Variants in TRAPPC8 observed in about 807,000 individuals in gnomAD.
The protein encoded by TRAPPC8 is general sporulation gene 1 homolog.
Under a neutral mutation model 174.3 loss-of-function variants are expected in TRAPPC8, and 54 were observed. The observed-to-expected ratio is 0.31, with a 90% CI of 0.25 to 0.39. The LOEUF (loss-of-function observed/expected upper bound fraction) is 0.39, where lower values mean the gene tolerates loss of function less well. Among genes scored for constraint, TRAPPC8 ranks in the 10% least tolerant of loss-of-function variants. The probability of loss-of-function intolerance (pLI) is 1.00; values close to 1 mark genes in which losing one functional copy is unlikely to be tolerated. For missense variants in TRAPPC8, 1,531 were observed against 1,699.1 expected (o/e 0.90, Z 1.74); for synonymous variants, 630 against 579.9 (o/e 1.09, Z -1.24).
Position 31,905,457 on chromosome 18 carries a change from C to A in TRAPPC8, c.1389+2003G>T, listed in dbSNP as rs142844171. 4.3e-3 allele frequency among the ~76,000 whole-genome samples: 659 copies of A among 152,274 alleles called. 7 individuals carry two copies. The highest frequency in any genetic ancestry group is 0.031 in the South Asian group (151 of 4,826). Reference sequence around the variant, plus strand: ...TGCACAGCTCTGGGCTCAGGGCAGGCTGTACTTTCTTCTATGATCAGCTTC... The same window carrying A: ...TGCACAGCTCTGGGCTCAGGGCAGGATGTACTTTCTTCTATGATCAGCTTC... On this transcript the variant is annotated intron_variant, in intron 9 of 28. Transcript: ENST00000283351.
chr18:31,861,914 TC>T (rs1394524132), intron 19 of TRAPPC8, among the ~76,000 whole-genome samples: 1 of 98,080 alleles, frequency 1.0e-5, no homozygotes, highest in African/African-American at 4.4e-5. Context: ...GACAGAGCGA[TC>T]CCGTCTCCAG....
At chr18:31,898,185 T>C (rs1223238394) in intron 10 of TRAPPC8, among the ~76,000 whole-genome samples, 1 of 152,178 alleles carries the variant, frequency 6.6e-6, no homozygotes, top group Non-Finnish European at 1.5e-5. Context: ...ACTTTATTTT[T>C]TATTTGTATT....
At chr18:31,844,721 A>G (rs905230388) in intron 26 of TRAPPC8, 1 of 151,522 alleles carries the variant, frequency 6.6e-6, no homozygotes, top group Non-Finnish European at 1.5e-5. Context: ...GTCTCAAAAA[A>G]AAAAAAAAAG....
intron 19 of TRAPPC8, among the ~76,000 whole-genome samples, chr18:31,861,101 T>C (rs983407486): frequency 2.6e-5 from 4 of 152,192 alleles, no homozygotes; most frequent in Non-Finnish European, 5.9e-5. Context: ...CCAGCACTCA[T>C]AGAAAAGGTC....
At chr18:31,893,948 T>G (rs1360139268) in intron 11 of TRAPPC8, among the ~76,000 whole-genome samples, 1 of 152,186 alleles carries the variant, frequency 6.6e-6, no homozygotes, top group Non-Finnish European at 1.5e-5. Context: ...TCTCATAAGC[T>G]AAGAATATCC....
At chr18:31,913,300 T>C (rs1378819970) in intron 5 of TRAPPC8, 69 bp downstream of exon 5, 6 of 1,463,304 alleles carry the variant, frequency 4.1e-6, no homozygotes, top group African/African-American at 1.4e-5. Context: ...ATAATTATAC[T>C]AGTTAAACCA....
At chr18:31,926,872 G>A (rs1391223796) in intron 2 of TRAPPC8, among the ~76,000 whole-genome samples, 1 of 152,166 alleles carries the variant, frequency 6.6e-6, no homozygotes, top group African/African-American at 2.4e-5. Flanking sequence ...GGAGTGGAAA[G>A]GATAGACAGT....
At chr18:31,859,036 T>G (rs1442549880) in intron 19 of TRAPPC8, among the ~76,000 whole-genome samples, 1 of 152,112 alleles carries the variant, frequency 6.6e-6, no homozygotes, top group Admixed American at 6.6e-5. Flanking sequence ...GAGGTTGCAG[T>G]GAGCCAAGAT....
rs374087382 is a variant in TRAPPC8 at position 31,873,858 on chromosome 18, A to G, written c.1954-320T>C. 6 of 216,666 alleles carry G rather than the reference A, an allele frequency of 2.8e-5. No homozygotes were observed. The East Asian group carries it at 3.7e-4, about 13-fold the overall frequency. 13.4% of individuals were successfully genotyped at this position (216,666 alleles called of 1,614,324 possible). On this transcript the variant is annotated intron_variant, in intron 13 of 28. Coordinates refer to ENST00000283351, the MANE Select transcript of TRAPPC8 (RefSeq NM_014939.5). ...CCTATCTGCCAAAATTCTAACCCATATAATTTCAAATTAATAAAGTCTAGA... is the reference window on the plus strand; with the variant it reads ...CCTATCTGCCAAAATTCTAACCCATGTAATTTCAAATTAATAAAGTCTAGA...
intron 27 of TRAPPC8, chr18:31,833,505 G>GT (rs1162970249): frequency 4.6e-5 from 7 of 152,164 alleles, no homozygotes; most frequent in Admixed American, 4.6e-4. Context: ...TTACTTCACT[G>GT]TATCTCATTT....
chr18:31,856,024 A>C (rs1568049872), intron 20 of TRAPPC8, among the ~76,000 whole-genome samples: 1 of 152,284 alleles, frequency 6.6e-6, no homozygotes, highest in East Asian at 1.9e-4. Context: ...TCCCTGTCTA[A>C]GTTTTTGCCC....
rs1335190944 is a variant in TRAPPC8, at chr18:31,855,815, T to C, written c.3189-8A>G. 6.7e-7 allele frequency: 1 copy of C among 1,494,988 alleles called. No individual in the cohort carries two copies. The highest frequency in any genetic ancestry group is 8.9e-7 in the Non-Finnish European group (1 of 1,123,556). The allele number at this position is 1,494,988 out of a possible 1,614,324, so 92.6% of individuals were successfully genotyped here. ...TGTCTTAATATTCTGTGCCTGAAGT[T>C]AAAAAAAAAAAAAAAAGCACATTTA... On this transcript the variant is annotated splice_region_variant and splice_polypyrimidine_tract_variant and intron_variant, in intron 20 of 28. Transcript: ENST00000283351.
Position 31,833,917 on chromosome 18 carries a change from G to C in TRAPPC8, c.3984-1744C>G, listed in dbSNP as rs571073698. 7.5e-5 allele frequency among the ~76,000 whole-genome samples: 11 copies of C among 147,206 alleles called. No homozygotes were observed. In the South Asian group the frequency reaches 2.2e-3, roughly 29 times the overall value. On this transcript the variant is annotated intron_variant, in intron 27 of 28. Coordinates refer to ENST00000283351, the MANE Select transcript of TRAPPC8 (RefSeq NM_014939.5). ...CTCGGGAGGCTGAGGCAGAAGAATGGCATGAACCCAGGAGGTGGAGCTTGC... is the reference window on the plus strand; with the variant it reads ...CTCGGGAGGCTGAGGCAGAAGAATGCCATGAACCCAGGAGGTGGAGCTTGC...
At chr18:31,934,923 C>A (rs1294420480) in intron 1 of TRAPPC8, among the ~76,000 whole-genome samples, 2 of 149,632 alleles carry the variant, frequency 1.3e-5, no homozygotes, top group African/African-American at 4.9e-5. Flanking sequence ...CTCCAGCCTG[C>A]TGGGCAACAG....
chr18:31,898,178 T>G (rs1327735579), intron 10 of TRAPPC8, among the ~76,000 whole-genome samples: 1 of 152,174 alleles, frequency 6.6e-6, no homozygotes, highest in Non-Finnish European at 1.5e-5. Flanking sequence ...TTGTTATACT[T>G]TATTTTTTAT....
At chr18:31,901,509 G>A (rs975948421) in intron 9 of TRAPPC8, among the ~76,000 whole-genome samples, 1 of 152,100 alleles carries the variant, frequency 6.6e-6, no homozygotes, top group African/African-American at 2.4e-5. Flanking sequence ...CCACTGTTTT[G>A]GGATGTGTTT....
intron 12 of TRAPPC8, among the ~76,000 whole-genome samples, chr18:31,882,361 T>C (rs192702168): frequency 4.0e-5 from 6 of 151,780 alleles, no homozygotes; most frequent in African/African-American, 1.2e-4. Context: ...AAATGGAGAA[T>C]CAAATAGGCA....
chr18:31,942,705 G>A lies in TRAPPC8; in HGVS notation c.60C>T (p.Val20=), dbSNP rs532682546. ...CGGCTTCGTCGCTGCACAGCGCAGC[G>A]ACACAGGGGACGAAGGAGTCCGGGA... ...ELIPDSFVPC[V]AALCSDEAER... is the part of the protein sequence containing the mutation. The change falls in exon 1 of 29, where the codon GTC becomes GTT. Residue 20 remains valine, a synonymous_variant. Coordinates refer to ENST00000283351, the MANE Select transcript of TRAPPC8 (RefSeq NM_014939.5). The A allele has an allele frequency of 2.5e-6, 4 of 1,607,138 alleles. No homozygotes were observed. The highest frequency in any genetic ancestry group is 3.4e-6 in the Non-Finnish European group (4 of 1,177,100).
At chr18:31,911,891 A>T (rs11660529) in intron 5 of TRAPPC8, among the ~76,000 whole-genome samples, 92 of 150,276 alleles carry the variant, frequency 6.1e-4, no homozygotes, top group Non-Finnish European at 1.0e-3. Context: ...AAAAAAAAAA[A>T]TTTTCTTCTA....
Sources: allele counts gnomAD v4.1 joint callset (sites outside exome capture counted in the v4.1 genomes callset), GRCh38; gene constraint gnomAD v4.1.1; transcripts MANE v1.5; gene names NCBI Gene and HGNC (gene_info 2026-07-23, HGNC 2026-07-21).